The following SIPA1L2 variants were observed in gnomAD, a reference collection of about 807,000 sequenced individuals.
SIPA1L2 encodes signal induced proliferation associated 1 like 2.
In SIPA1L2, 56 loss-of-function variants were observed where a neutral mutation model predicts 163.9. That is an observed-to-expected ratio of 0.34 (90% CI 0.28 to 0.43). SIPA1L2 has a LOEUF of 0.43. Ranked by LOEUF, SIPA1L2 falls within the 20% of genes least tolerant of loss-of-function variation. The pLI is 1.00. For synonymous variants in SIPA1L2, 877 were observed against 865.7 expected, an observed-to-expected ratio of 1.01 and a Z score of -0.23; for missense variants, 1,974 against 2,193.5, an observed-to-expected ratio of 0.90 and a Z score of 2.00.
intron 2 of SIPA1L2, among the ~76,000 whole-genome samples, chr1:232,550,938 G>A (rs1658343138): frequency 6.6e-6 from 1 of 152,120 alleles, no homozygotes; most frequent in Non-Finnish European, 1.5e-5. Flanking sequence ...TGCCATTGAG[G>A]ACAATGAAAC....
intron 1 of SIPA1L2, among the ~76,000 whole-genome samples, chr1:232,605,385 CA>C (rs1661851829): frequency 6.6e-6 from 1 of 152,160 alleles, no homozygotes; most frequent in Non-Finnish European, 1.5e-5. Flanking sequence ...GGTAGGTGTT[CA>C]AAAGACACTG....
intron 18 of SIPA1L2, among the ~76,000 whole-genome samples, chr1:232,418,473 C>T (rs1661387912): frequency 6.6e-6 from 1 of 152,214 alleles, no homozygotes; most frequent in South Asian, 2.1e-4. Flanking sequence ...TTTGCCAAGG[C>T]ACAAACATGA....
rs1174798283 is a variant in SIPA1L2, at chr1:232,625,839, C to T, written c.-319+4030G>A. Among the ~76,000 whole-genome samples, 4 of 152,182 alleles carry T rather than the reference C, an allele frequency of 2.6e-5. No individual in the cohort carries two copies. The South Asian group carries it at 8.3e-4, about 32-fold the overall frequency. On this transcript the variant is annotated intron_variant, in intron 1 of 22. Transcript: ENST00000674635. ...ATCACCACCCGTTACTTGCAATGTTCAGGTATTACCGGAAGACCACTTACA... is the reference window on the plus strand; with the variant it reads ...ATCACCACCCGTTACTTGCAATGTTTAGGTATTACCGGAAGACCACTTACA...
At chr1:232,587,383 TC>T (rs546922135) in intron 1 of SIPA1L2, among the ~76,000 whole-genome samples, 4 of 152,112 alleles carry the variant, frequency 2.6e-5, no homozygotes, top group Non-Finnish European at 4.4e-5. Flanking sequence ...ACGAGTCAAG[TC>T]TAGTTCTGTC....
chr1:232,622,534 C>A (rs914723290), intron 1 of SIPA1L2, among the ~76,000 whole-genome samples: 5 of 152,192 alleles, frequency 3.3e-5, no homozygotes, highest in Admixed American at 3.3e-4. Context: ...TCATGGGATT[C>A]AAATAGGGCT....
chr1:232,434,329 T>C (rs1662424159), intron 15 of SIPA1L2, among the ~76,000 whole-genome samples: 1 of 152,156 alleles, frequency 6.6e-6, no homozygotes, highest in African/African-American at 2.4e-5. Flanking sequence ...TCTCTGCGTT[T>C]TGGAAAACAC....
At chr1:232,433,970 T>C (rs947290338) in intron 15 of SIPA1L2, among the ~76,000 whole-genome samples, 1 of 152,192 alleles carries the variant, frequency 6.6e-6, no homozygotes, top group Non-Finnish European at 1.5e-5. Flanking sequence ...TCTCTGAAGA[T>C]AATCTGAGTT....
chr1:232,594,390 C>G (rs1661132874), intron 1 of SIPA1L2, among the ~76,000 whole-genome samples: 1 of 152,128 alleles, frequency 6.6e-6, no homozygotes, highest in African/African-American at 2.4e-5. Flanking sequence ...GTCAGAGGAG[C>G]TGGTGTCAAA....
intron 1 of SIPA1L2, among the ~76,000 whole-genome samples, chr1:232,596,705 T>C (rs556935678): frequency 1.3e-5 from 2 of 152,364 alleles, no homozygotes; most frequent in Non-Finnish European, 2.9e-5. Flanking sequence ...AAAGAACAGC[T>C]TCTTCTTATT....
chr1:232,480,872 G>A (rs1420334217), intron 6 of SIPA1L2, among the ~76,000 whole-genome samples: 3 of 151,664 alleles, frequency 2.0e-5, no homozygotes, highest in African/African-American at 4.8e-5. Flanking sequence ...CAACCTTCAC[G>A]GACTTATTAT....
At chr1:232,479,881 A>G in intron 6 of SIPA1L2, 151 bp from the exon 7 acceptor site, 1 of 635,354 alleles carries the variant, frequency 1.6e-6, no homozygotes. Context: ...GCTTTCATCA[A>G]GCACTGTTTC....
chr1:232,574,082 C>T (rs1236105772), intron 2 of SIPA1L2, among the ~76,000 whole-genome samples, 92 bp downstream of exon 2: 1 of 152,106 alleles, frequency 6.6e-6, no homozygotes, highest in African/African-American at 2.4e-5. Flanking sequence ...GAAACCAAAA[C>T]AATCTTTTAA....
chr1:232,541,632 T>C (rs1657684957), intron 2 of SIPA1L2, among the ~76,000 whole-genome samples: 1 of 152,192 alleles, frequency 6.6e-6, no homozygotes, highest in Non-Finnish European at 1.5e-5. Flanking sequence ...ATTAAAAGTG[T>C]TTTAAACTTA....
chr1:232,475,367 C>G (rs371688348), intron 7 of SIPA1L2, among the ~76,000 whole-genome samples: 54 of 152,288 alleles, frequency 3.5e-4, no homozygotes, highest in African/African-American at 1.3e-3. Context: ...AGGGAGATGG[C>G]CCTAATTTTG....
At chr1:232,442,529 CAGACCG>C (rs772409674) in intron 12 of SIPA1L2, among the ~76,000 whole-genome samples, 21 of 136,412 alleles carry the variant, frequency 1.5e-4, no homozygotes, top group Non-Finnish European at 1.7e-4. Context: ...GCCTGGGCGA[CAGACCG>C]AGACTCCATC....
intron 1 of SIPA1L2, among the ~76,000 whole-genome samples, 74 bp from the exon 2 acceptor site, chr1:232,574,296 G>A (rs1307808077): frequency 6.6e-6 from 1 of 152,102 alleles, no homozygotes; most frequent in Non-Finnish European, 1.5e-5. Context: ...TGTGGTCTGA[G>A]GAATCCCCAG....
chr1:232,522,705 A>C (rs1667512302), intron 2 of SIPA1L2, among the ~76,000 whole-genome samples: 1 of 152,180 alleles, frequency 6.6e-6, no homozygotes, highest in Non-Finnish European at 1.5e-5. Context: ...CCTATCTGTA[A>C]AGTGGGAATA....
chr1:232,467,863 T>C (rs1210561925), intron 8 of SIPA1L2, among the ~76,000 whole-genome samples: 1 of 152,244 alleles, frequency 6.6e-6, no homozygotes, highest in Non-Finnish European at 1.5e-5. Context: ...TATGCTCCAC[T>C]GTGGTGTCAC....
chr1:232,605,272 C>T (rs974798306), intron 1 of SIPA1L2, among the ~76,000 whole-genome samples: 2 of 152,172 alleles, frequency 1.3e-5, no homozygotes, highest in Non-Finnish European at 2.9e-5. Context: ...CCTTGGCCTC[C>T]CAAAGTGCCA....
Sources: allele counts gnomAD v4.1 joint callset (sites outside exome capture counted in the v4.1 genomes callset), GRCh38; gene constraint gnomAD v4.1.1; transcripts MANE v1.5; gene names NCBI Gene and HGNC (gene_info 2026-07-23, HGNC 2026-07-21).